Variants in UBTD1 observed in about 807,000 individuals in gnomAD.
The protein encoded by UBTD1 is ubiquitin domain-containing protein 1.
A neutral mutation model predicts 21.7 loss-of-function variants in UBTD1; 19 were observed. The observed-to-expected ratio is 0.87, with a 90% CI of 0.61 to 1.28. The LOEUF (loss-of-function observed/expected upper bound fraction) is 1.28, where lower values mean the gene tolerates loss of function less well. UBTD1 is among the 50% of genes most tolerant of loss of function. The probability of loss-of-function intolerance (pLI) is 0.00; values close to 1 mark genes in which losing one functional copy is unlikely to be tolerated. For synonymous variants in UBTD1, 116 were observed against 135.1 expected, an observed-to-expected ratio of 0.86 and a Z score of 0.98; for missense variants, 282 against 315.1, an observed-to-expected ratio of 0.89 and a Z score of 0.80.
At chr10:97,519,898 A>T (rs896002314) in intron 1 of UBTD1, among the ~76,000 whole-genome samples, 2 of 151,840 alleles carry the variant, frequency 1.3e-5, no homozygotes, top group African/African-American at 4.8e-5. Flanking sequence ...TGTTTACTGG[A>T]GGTCTCTGAG....
intron 1 of UBTD1, among the ~76,000 whole-genome samples, chr10:97,531,668 T>C (rs10882955): frequency 0.91 from 137,872 of 152,248 alleles, 63,559 homozygotes; most frequent in Non-Finnish European, 0.99. Context: ...CTTTGGTTAG[T>C]CCCCCAGGGG....
Position 97,570,139 on chromosome 10 carries a change from C to T in UBTD1, c.300C>T (p.Gly100=), listed in dbSNP as rs903719495. The T allele has an allele frequency of 1.9e-6, 3 of 1,600,094 alleles. No homozygotes were observed. The highest frequency in any genetic ancestry group is 1.3e-5 in the African/African-American group (1 of 74,806). ...LDGASITLPH[G]TLCECYDELG... The stretch of plus-strand genomic sequence containing the variant: ...CTGACAGCCCTGCCTCTCCTACAGG[C>T]ACCCTCTGTGAATGCTACGATGAGC... Residue 100 remains glycine (G), a splice_region_variant and synonymous_variant, in exon 3 of 3, where the codon GGC becomes GGT. Coordinates refer to ENST00000370664, the MANE Select transcript of UBTD1 (RefSeq NM_024954.5). This position sits in a 1 kb window ranked among gnomAD's most constrained non-coding sequence, Gnocchi z 6.6.
At chr10:97,509,342 TG>T (rs943825853) in intron 1 of UBTD1, among the ~76,000 whole-genome samples, 3 of 152,170 alleles carry the variant, frequency 2.0e-5, no homozygotes, top group Middle Eastern at 3.2e-3. Flanking sequence ...ATCTGTAAAA[TG>T]GGGTAAGCAT....
chr10:97,538,365 A>T (rs1052355871), intron 1 of UBTD1, among the ~76,000 whole-genome samples: 2 of 152,154 alleles, frequency 1.3e-5, no homozygotes. Flanking sequence ...AATAAAATTT[A>T]AAAATTTACA....
At chr10:97,528,065 C>T (rs2040499052) in intron 1 of UBTD1, among the ~76,000 whole-genome samples, 1 of 140,496 alleles carries the variant, frequency 7.1e-6, no homozygotes, top group Non-Finnish European at 1.6e-5. Flanking sequence ...GGGCGGCTGG[C>T]TGGGCGGGGG....
At chr10:97,548,952 C>A (rs976757564) in intron 1 of UBTD1, among the ~76,000 whole-genome samples, 3 of 152,198 alleles carry the variant, frequency 2.0e-5, no homozygotes, top group African/African-American at 7.2e-5. Context: ...CCAGGGCCCC[C>A]AGGCTGGACT....
chr10:97,551,828 G>C (rs1158659316), intron 1 of UBTD1, among the ~76,000 whole-genome samples: 1 of 152,030 alleles, frequency 6.6e-6, no homozygotes, highest in Non-Finnish European at 1.5e-5. Context: ...TAGAAAACTT[G>C]GAAAATATAA....
Position 97,499,098 on chromosome 10 carries a change from C to T in UBTD1, c.-106C>T, listed in dbSNP as rs1365073511. ...GCGCCCCCGGGGGGAGATCGGGGAG[C>T]GCCCGATGCCGGGCGGCCGGAGCCA... On this transcript the variant is annotated 5_prime_UTR_variant, in exon 1 of 3. Transcript: ENST00000370664. 1.6e-5 allele frequency: 20 copies of T among 1,285,616 alleles called. No homozygotes were observed. In the South Asian group the frequency reaches 2.9e-4, roughly 19 times the overall value. 79.6% of individuals were successfully genotyped at this position (1,285,616 alleles called of 1,614,324 possible).
In UBTD1 at chr10:97,532,726, G is replaced by T. The variant is rs142484471; in HGVS notation, c.70+33453G>T. The stretch of plus-strand genomic sequence containing the variant: ...AATCGCTTGAGTCCGGGAGACGGAG[G>T]TCGCAGTGAGCCAAGTTCGTGCCAC... On this transcript the variant is annotated intron_variant, in intron 1 of 2. Coordinates refer to ENST00000370664, the MANE Select transcript of UBTD1 (RefSeq NM_024954.5). Among the ~76,000 whole-genome samples, 582 of 152,188 alleles carry T rather than the reference G, an allele frequency of 3.8e-3. 1 individual carries two copies. Among genetic ancestry groups the T allele is most frequent in the South Asian group, 0.019 (91 of 4,826 alleles).
chr10:97,560,332 T>C, intron 1 of UBTD1, among the ~76,000 whole-genome samples: 1 of 152,238 alleles, frequency 6.6e-6, no homozygotes. Flanking sequence ...CTGTTAACTT[T>C]TAGCAAACTT....
At chr10:97,556,708 A>T (rs1259394821) in intron 1 of UBTD1, among the ~76,000 whole-genome samples, 1 of 152,256 alleles carries the variant, frequency 6.6e-6, no homozygotes, top group African/African-American at 2.4e-5. Context: ...AGATGACTTA[A>T]TGGTGCCAAT....
At chr10:97,519,658 G>A (rs1016022915) in intron 1 of UBTD1, among the ~76,000 whole-genome samples, 9 of 152,080 alleles carry the variant, frequency 5.9e-5, no homozygotes, top group Non-Finnish European at 1.0e-4. Context: ...TTTAGCTTTG[G>A]AAAAATATAT....
chr10:97,513,700 T>C (rs1005591324), intron 1 of UBTD1, among the ~76,000 whole-genome samples: 15 of 152,178 alleles, frequency 9.9e-5, no homozygotes, highest in African/African-American at 2.7e-4. Context: ...CATTCTCATT[T>C]GGTATTTATC....
Position 97,568,114 on chromosome 10 carries a change from G to T in UBTD1, c.271G>T (p.Asp91Tyr), listed in dbSNP as rs1432034197. ...NDHELAQAIL[D>Y]GASITLPHGT... Reference sequence around the variant, plus strand: ...CCACGAGCTGGCCCAGGCCATCCTGGATGGAGCCAGCATCACCCTGCCTCA... The same window carrying T: ...CCACGAGCTGGCCCAGGCCATCCTGTATGGAGCCAGCATCACCCTGCCTCA... The change falls in exon 2 of 3, where the codon GAT (aspartate) becomes TAT (tyrosine). Residue 91 changes from aspartate to tyrosine, a missense_variant. Transcript: ENST00000370664. The T allele has an allele frequency of 6.2e-7, 1 of 1,613,766 alleles. No homozygotes were observed. The highest frequency in any genetic ancestry group is 8.5e-7 in the Non-Finnish European group (1 of 1,180,042).
rs1403148330 is a variant in UBTD1 at position 97,570,360 on chromosome 10, T to C, written c.521T>C (p.Leu174Pro). 1.9e-6 allele frequency: 3 copies of C among 1,613,264 alleles called. No individual in the cohort carries two copies. Among genetic ancestry groups the C allele is most frequent in the Non-Finnish European group, 2.5e-6 (3 of 1,179,968 alleles). ...AGCCTGCCCGACACAGTGGGGCAGC[T>C]CAAGAGGCAGCTGCACGCCCAGGAG... ...SASLPDTVGQ[L>P]KRQLHAQEGI... The change falls in exon 3 of 3, where the codon CTC (leucine) becomes CCC (proline). Residue 174 changes from leucine (L) to proline (P), a missense_variant. Transcript: ENST00000370664. The surrounding 1 kb of genome is among the most constrained non-coding windows in gnomAD (Gnocchi z 6.6).
intron 1 of UBTD1, among the ~76,000 whole-genome samples, chr10:97,538,536 T>G (rs1404751529): frequency 6.6e-6 from 1 of 152,216 alleles, no homozygotes; most frequent in South Asian, 2.1e-4. Flanking sequence ...ATTTGTGTGA[T>G]TCAGCTTCAG....
intron 1 of UBTD1, among the ~76,000 whole-genome samples, chr10:97,534,569 A>ATG (rs1344876019): frequency 9.1e-6 from 1 of 109,422 alleles, no homozygotes; most frequent in Admixed American, 1.0e-4. Flanking sequence ...AGGAACACAC[A>ATG]CGCGCGCGCG....
intron 1 of UBTD1, among the ~76,000 whole-genome samples, chr10:97,545,331 TC>T (rs1336284450): frequency 8.4e-6 from 1 of 119,636 alleles, no homozygotes; most frequent in African/African-American, 2.8e-5. Flanking sequence ...CGAGCGAGAC[TC>T]CGTCTCAAAA....
At chr10:97,567,753 ACT>A (rs969609902) in intron 1 of UBTD1, among the ~76,000 whole-genome samples, 159 bp from the exon 2 acceptor site, 12 of 148,936 alleles carry the variant, frequency 8.1e-5, no homozygotes, top group African/African-American at 2.2e-4. Context: ...AAGTTTTCTG[ACT>A]CTTCCCTGCT....
Sources: allele counts gnomAD v4.1 joint callset (sites outside exome capture counted in the v4.1 genomes callset), GRCh38; gene constraint gnomAD v4.1.1; non-coding constraint Gnocchi (gnomAD v3.1); transcripts MANE v1.5; gene names NCBI Gene and HGNC (gene_info 2026-07-23, HGNC 2026-07-21).